Variants in EPHB1 observed in about 807,000 individuals in gnomAD.
EPHB1 encodes the protein ephrin type-B receptor 1.
EPHB1 carries 30 observed loss-of-function variants against 94.4 expected under a neutral mutation model. The ratio of observed to expected loss-of-function variants is 0.32; its 90% confidence interval spans 0.24 to 0.43. The LOEUF (loss-of-function observed/expected upper bound fraction) is 0.43, where lower values mean the gene tolerates loss of function less well. EPHB1 is among the 20% of genes least tolerant of loss of function. The pLI, the probability that EPHB1 is intolerant of heterozygous loss-of-function variation, is 1.00. For missense variants in EPHB1, 1,055 were observed against 1,308.3 expected, an observed-to-expected ratio of 0.81 and a Z score of 2.99; for synonymous variants, 522 against 489.1, an observed-to-expected ratio of 1.07 and a Z score of -0.89.
Position 135,078,696 on chromosome 3 carries a change from G to A in EPHB1, c.806-27752G>A, listed in dbSNP as rs565591703. On this transcript the variant is annotated intron_variant, in intron 3 of 15. Coordinates refer to ENST00000398015, the MANE Select transcript of EPHB1 (RefSeq NM_004441.5). ...CACATGCTGTGCCCAGAGAAACCTA[G>A]TCATGCATCTTTCTTAGGGATCATA... 2.0e-5 allele frequency among the ~76,000 whole-genome samples: 3 copies of A among 152,354 alleles called. No individual in the cohort carries two copies. The South Asian group carries it at 6.2e-4, about 32-fold the overall frequency.
intron 3 of EPHB1, among the ~76,000 whole-genome samples, chr3:135,082,649 G>T (rs1938203837): frequency 6.6e-6 from 1 of 152,170 alleles, no homozygotes; most frequent in Non-Finnish European, 1.5e-5. Context: ...TAGAGAATAG[G>T]ACACATTTCA....
chr3:135,138,870 G>A (rs1430114492), intron 5 of EPHB1, among the ~76,000 whole-genome samples: 1 of 152,154 alleles, frequency 6.6e-6, no homozygotes, highest in Non-Finnish European at 1.5e-5. Flanking sequence ...ACTTCCAAGT[G>A]GCCTCAGAAA....
intron 1 of EPHB1, among the ~76,000 whole-genome samples, chr3:134,906,696 C>T (rs1011479099): frequency 2.1e-4 from 32 of 152,304 alleles, no homozygotes; most frequent in Middle Eastern, 3.4e-3. Context: ...ATGAAGTTTG[C>T]CAGCCGCCAG....
intron 10 of EPHB1, among the ~76,000 whole-genome samples, chr3:135,190,539 C>T (rs879714983): frequency 8.5e-5 from 9 of 105,916 alleles, no homozygotes; most frequent in Non-Finnish European, 1.8e-4. Flanking sequence ...ATACATATAT[C>T]TAGACATATA....
chr3:135,237,710 G>A (rs942285712), intron 12 of EPHB1, among the ~76,000 whole-genome samples: 2 of 152,180 alleles, frequency 1.3e-5, no homozygotes, highest in African/African-American at 4.8e-5. Flanking sequence ...TTCCTTTCCA[G>A]TGAGCCCCAT....
chr3:134,874,219 A>T (rs570300936), intron 1 of EPHB1, among the ~76,000 whole-genome samples: 7 of 152,362 alleles, frequency 4.6e-5, no homozygotes, highest in African/African-American at 1.4e-4. Flanking sequence ...CTTTGTAGGG[A>T]CATGGATGAA....
At chr3:134,837,768 GT>G (rs2036700061) in intron 1 of EPHB1, among the ~76,000 whole-genome samples, 1 of 152,222 alleles carries the variant, frequency 6.6e-6, no homozygotes, top group Non-Finnish European at 1.5e-5. Context: ...AGAGCTAGGT[GT>G]TTGGGGGCTA....
chr3:135,000,706 G>A (rs913340064), intron 3 of EPHB1, among the ~76,000 whole-genome samples: 9 of 152,246 alleles, frequency 5.9e-5, no homozygotes, highest in African/African-American at 1.4e-4. Flanking sequence ...CAGTTGGCCC[G>A]TCTTGCATGG....
At chr3:135,184,857 G>T (rs1559866242) in intron 10 of EPHB1, among the ~76,000 whole-genome samples, 1 of 152,180 alleles carries the variant, frequency 6.6e-6, no homozygotes, top group Admixed American at 6.5e-5. Flanking sequence ...TGACTAATAG[G>T]CATCATGTCA....
At position 134,858,562 on chromosome 3, in the gene EPHB1, G is replaced by T. The variant is rs369148330; in HGVS notation, c.58+62873G>T. ...GTTTCCATCAGCAGCCCACAGAGCA[G>T]CCCCAACGTAAATTAAGGAGCCTGG... On this transcript the variant is annotated intron_variant, in intron 1 of 15. Coordinates refer to ENST00000398015, the MANE Select transcript of EPHB1 (RefSeq NM_004441.5). Among the ~76,000 whole-genome samples the T allele has an allele frequency of 7.6e-4, 116 of 152,286 alleles. 1 individual carries two copies. The South Asian group carries it at 0.016, about 22-fold the overall frequency.
At chr3:134,879,775 G>T (rs1269307171) in intron 1 of EPHB1, among the ~76,000 whole-genome samples, 1 of 152,010 alleles carries the variant, frequency 6.6e-6, no homozygotes, top group Non-Finnish European at 1.5e-5. Flanking sequence ...TTGCAGAAAG[G>T]TTTATATCAA....
At chr3:135,036,640 C>T (rs1323845505) in intron 3 of EPHB1, among the ~76,000 whole-genome samples, 1 of 152,198 alleles carries the variant, frequency 6.6e-6, no homozygotes. Flanking sequence ...GTGTCCTGGC[C>T]TTCATCTTCT....
intron 1 of EPHB1, among the ~76,000 whole-genome samples, chr3:134,804,555 G>T (rs886711752): frequency 3.3e-5 from 5 of 152,140 alleles, no homozygotes; most frequent in Non-Finnish European, 5.9e-5. Flanking sequence ...TGGTGGGTGT[G>T]TGTGGGGGGG....
chr3:134,840,767 C>T (rs2036761347), intron 1 of EPHB1, among the ~76,000 whole-genome samples: 2 of 152,182 alleles, frequency 1.3e-5, no homozygotes, highest in Admixed American at 1.3e-4. Flanking sequence ...AACTGGTACA[C>T]ATTGTAAATA....
intron 10 of EPHB1, among the ~76,000 whole-genome samples, chr3:135,186,080 C>G (rs949886806): frequency 6.6e-6 from 1 of 152,134 alleles, no homozygotes; most frequent in Non-Finnish European, 1.5e-5. Flanking sequence ...TGAAAATAAG[C>G]TAATTACATA....
intron 3 of EPHB1, among the ~76,000 whole-genome samples, chr3:134,965,580 G>T (rs539528940): frequency 5.3e-5 from 8 of 152,284 alleles, no homozygotes; most frequent in Admixed American, 3.9e-4. Context: ...AAAAGAAAGA[G>T]AATTTCCTCT....
intron 3 of EPHB1, among the ~76,000 whole-genome samples, chr3:135,058,846 A>G (rs1402926332): frequency 1.3e-5 from 2 of 152,132 alleles, no homozygotes; most frequent in Non-Finnish European, 2.9e-5. Flanking sequence ...GGCTCCTCCA[A>G]CATTTTCTTA....
intron 4 of EPHB1, among the ~76,000 whole-genome samples, chr3:135,107,258 A>G (rs1939252627): frequency 6.6e-6 from 1 of 152,214 alleles, no homozygotes; most frequent in South Asian, 2.1e-4. Flanking sequence ...CTCCCATTAT[A>G]TAATATAGAG....
chr3:135,236,710 T>C (rs959746128), intron 12 of EPHB1, among the ~76,000 whole-genome samples: 2 of 152,192 alleles, frequency 1.3e-5, no homozygotes, highest in African/African-American at 4.8e-5. Context: ...AACAGAAATA[T>C]TTGGTGAACA....
Sources: gnomAD v4.1 joint callset for allele counts (sites outside exome capture counted in the v4.1 genomes callset) on GRCh38, gnomAD v4.1.1 for gene constraint, MANE v1.5 for transcripts, NCBI Gene and HGNC (gene_info 2026-07-23, HGNC 2026-07-21) for gene names.